Variants in HSPBAP1 observed in about 807,000 individuals in gnomAD.
The protein encoded by HSPBAP1 is HSPB1 associated protein 1.
HSPBAP1 carries 27 observed loss-of-function variants against 45.2 expected under a neutral mutation model. That is an observed-to-expected ratio of 0.60 (90% CI 0.44 to 0.82). HSPBAP1 has a LOEUF of 0.82. Ranked by LOEUF, HSPBAP1 falls within the 40% of genes least tolerant of loss-of-function variation. The probability of loss-of-function intolerance (pLI) is 0.00; values close to 1 mark genes in which losing one functional copy is unlikely to be tolerated. For missense variants in HSPBAP1, 510 were observed against 590.9 expected (o/e 0.86, Z 1.42); for synonymous variants, 204 against 202.7 (o/e 1.01, Z -0.06).
rs1315149808 is a variant in HSPBAP1, at chr3:122,793,524, T to C, written c.64+93A>G. 6 of 1,068,638 alleles carry C rather than the reference T, an allele frequency of 5.6e-6. No individual in the cohort carries two copies. In the Admixed American group the frequency reaches 1.1e-4, roughly 19 times the overall value. The allele number at this position is 1,068,638 out of a possible 1,614,324, so 66.2% of individuals were successfully genotyped here. On this transcript the variant is annotated intron_variant, in intron 1 of 7. Coordinates refer to ENST00000306103, the MANE Select transcript of HSPBAP1 (RefSeq NM_024610.6). ...TAATGCAAGGCCAGAGAGACCTGGGTTGGGGCTAAGGCAAACGGCCCCACG... is the reference window on the plus strand; with the variant it reads ...TAATGCAAGGCCAGAGAGACCTGGGCTGGGGCTAAGGCAAACGGCCCCACG...
At chr3:122,747,046 C>T (rs1363430125) in intron 6 of HSPBAP1, among the ~76,000 whole-genome samples, 1 of 152,014 alleles carries the variant, frequency 6.6e-6, no homozygotes, top group Non-Finnish European at 1.5e-5. Flanking sequence ...CCCAAAGTGC[C>T]GAGATTGCAG....
intron 2 of HSPBAP1, among the ~76,000 whole-genome samples, chr3:122,772,437 C>A (rs1935035042): frequency 2.6e-5 from 4 of 152,080 alleles, no homozygotes; most frequent in Admixed American, 2.6e-4. Flanking sequence ...TACTGGCCCC[C>A]AAACTGGTAG....
chr3:122,753,038 C>G, intron 5 of HSPBAP1: 2 of 965,492 alleles, frequency 2.1e-6, no homozygotes, highest in South Asian at 9.2e-5. Context: ...ACACATAGGA[C>G]GTGGCTTCTG....
chr3:122,780,538 G>A (rs1308985764), intron 1 of HSPBAP1, among the ~76,000 whole-genome samples: 1 of 136,918 alleles, frequency 7.3e-6, no homozygotes, highest in Admixed American at 7.3e-5. Flanking sequence ...CGGACGGGGC[G>A]GCTGGCCGGA....
intron 6 of HSPBAP1, among the ~76,000 whole-genome samples, chr3:122,744,971 A>G (rs191130375): frequency 2.0e-5 from 3 of 152,256 alleles, no homozygotes; most frequent in Non-Finnish European, 4.4e-5. Flanking sequence ...TATCAATTCA[A>G]CAAAATTCAA....
chr3:122,788,792 G>A (rs879449629), intron 1 of HSPBAP1, among the ~76,000 whole-genome samples: 6 of 152,210 alleles, frequency 3.9e-5, no homozygotes, highest in Admixed American at 3.9e-4. Flanking sequence ...GGGACTGGGG[G>A]AAGAGGAGAA....
intron 1 of HSPBAP1, among the ~76,000 whole-genome samples, chr3:122,784,738 C>A (rs759117945): frequency 6.6e-6 from 1 of 152,130 alleles, no homozygotes. Context: ...CAGATGTAGC[C>A]AAAAGACTGA....
rs1933617653 is a variant in HSPBAP1, at chr3:122,740,429, A to G, written c.1383T>C (p.Ser461=). 6.2e-7 allele frequency: 1 copy of G among 1,612,484 alleles called. No homozygotes were observed. The highest frequency in any genetic ancestry group is 1.3e-5 in the African/African-American group (1 of 74,292). ...CCAAGCAGTCCAGCAAGTCATCCGT[A>G]GAAATGAATGTTTGAGGAGTCGTAG... ...NTTTTPQTFI[S]TDDLLDCLVN... Residue 461 remains serine (S), a synonymous_variant, in exon 8 of 8, where the codon TCT becomes TCC. Transcript: ENST00000306103.
At chr3:122,743,367 C>G (rs1184100759) in intron 6 of HSPBAP1, among the ~76,000 whole-genome samples, 2 of 152,026 alleles carry the variant, frequency 1.3e-5, no homozygotes, top group African/African-American at 4.8e-5. Context: ...GTCAGGAGTT[C>G]GAGACCAGCT....
At chr3:122,780,533 G>A (rs1287041059) in intron 1 of HSPBAP1, among the ~76,000 whole-genome samples, 5 of 136,466 alleles carry the variant, frequency 3.7e-5, no homozygotes, top group South Asian at 2.2e-4. Flanking sequence ...CCTCCCGGAC[G>A]GGGCGGCTGG....
chr3:122,745,948 G>A (rs1226236380), intron 6 of HSPBAP1, among the ~76,000 whole-genome samples: 1 of 152,172 alleles, frequency 6.6e-6, no homozygotes, highest in African/African-American at 2.4e-5. Flanking sequence ...TAGTTAAAAT[G>A]GATTAAGTTT....
intron 6 of HSPBAP1, among the ~76,000 whole-genome samples, chr3:122,742,455 A>G (rs1375909529): frequency 6.6e-6 from 1 of 152,202 alleles, no homozygotes; most frequent in Admixed American, 6.5e-5. Context: ...ATCTTCATAC[A>G]TTGCTGGTGG....
chr3:122,756,219 C>T (rs760466909), intron 4 of HSPBAP1, among the ~76,000 whole-genome samples: 3 of 152,058 alleles, frequency 2.0e-5, no homozygotes, highest in Non-Finnish European at 2.9e-5. Context: ...GAAAAGAAGC[C>T]CAAAGCCCTC....
At position 122,768,826 on chromosome 3, in the gene HSPBAP1, T is replaced by C; in HGVS notation, c.307A>G (p.Thr103Ala). ...ATACTAGACTGGTCACAGTTCCAGG[T>C]CAGAAACTCTTCGAGTGTAGCTTCT... Reference protein sequence around the residue: ...YVEATLEEFLTWNCDQSSISG... With the variant: ...YVEATLEEFLAWNCDQSSISG... Residue 103 changes from threonine to alanine, a missense_variant, in exon 3 of 8, where the codon ACC (threonine) becomes GCC (alanine). Thr to Ala is a moderately conservative substitution (Grantham distance 58). Transcript: ENST00000306103. 6.2e-7 allele frequency: 1 copy of C among 1,612,696 alleles called. No homozygotes were observed. The highest frequency in any genetic ancestry group is 8.5e-7 in the Non-Finnish European group (1 of 1,178,700).
chr3:122,746,252 A>G (rs1349702509), intron 6 of HSPBAP1, among the ~76,000 whole-genome samples: 1 of 151,574 alleles, frequency 6.6e-6, no homozygotes, highest in Non-Finnish European at 1.5e-5. Flanking sequence ...TCAACATCAT[A>G]AAGCTCAGAT....
chr3:122,743,497 C>T (rs911002052), intron 6 of HSPBAP1, among the ~76,000 whole-genome samples: 2 of 151,932 alleles, frequency 1.3e-5, no homozygotes, highest in Non-Finnish European at 1.5e-5. Context: ...ACCTGGGAGG[C>T]GGAGGTTGCG....
chr3:122,759,218 C>CACACA lies in HSPBAP1; in HGVS notation c.569+5_569+6insTGTGT, dbSNP rs752606517. 5 of 1,608,716 alleles carry CACACA rather than the reference C, an allele frequency of 3.1e-6. No homozygotes were observed. The East Asian group carries it at 9.0e-5, about 29-fold the overall frequency. Reference sequence around the variant, plus strand: ...ACACACACACACACACACACACACACATTACCTTCCTTGTACCTGGAATAC... The same window carrying CACACA: ...ACACACACACACACACACACACACACACACAATTACCTTCCTTGTACCTGGAATAC... On this transcript the variant is annotated splice_donor_region_variant and intron_variant, in intron 4 of 7. Coordinates refer to ENST00000306103, the MANE Select transcript of HSPBAP1 (RefSeq NM_024610.6).
At chr3:122,745,829 T>G (rs933990831) in intron 6 of HSPBAP1, among the ~76,000 whole-genome samples, 5 of 152,238 alleles carry the variant, frequency 3.3e-5, no homozygotes, top group African/African-American at 1.2e-4. Flanking sequence ...TACTAAGGTC[T>G]ATGGTAAGAA....
intron 5 of HSPBAP1, chr3:122,753,220 G>A (rs1240630506): frequency 9.1e-6 from 2 of 219,662 alleles, no homozygotes; most frequent in Non-Finnish European, 1.5e-5. Context: ...ATTTGAACCC[G>A]GGCTAGGAGA....
Sources: allele counts gnomAD v4.1 joint callset (sites outside exome capture counted in the v4.1 genomes callset), GRCh38; gene constraint gnomAD v4.1.1; transcripts MANE v1.5; gene names NCBI Gene and HGNC (gene_info 2026-07-23, HGNC 2026-07-21).